The following HECW2 variants were observed in gnomAD, a reference collection of about 807,000 sequenced individuals.
HECW2 encodes HECT, C2 and WW domain containing E3 ubiquitin protein ligase 2.
In HECW2, 61 loss-of-function variants were observed where a neutral mutation model predicts 175.2. The observed-to-expected ratio is 0.35, with a 90% confidence interval of 0.28 to 0.43. The LOEUF (loss-of-function observed/expected upper bound fraction) is 0.43, where lower values mean the gene tolerates loss of function less well. Among genes scored for constraint, HECW2 ranks in the 20% least tolerant of loss-of-function variants. HECW2 has a pLI of 1.00. For synonymous variants in HECW2, 671 were observed against 731.0 expected (o/e 0.92, Z 1.32); for missense variants, 1,524 against 2,000.5 (o/e 0.76, Z 4.54).
chr2:196,428,449 A>C (rs1177771002), intron 2 of HECW2, among the ~76,000 whole-genome samples: 1 of 152,188 alleles, frequency 6.6e-6, no homozygotes, highest in Non-Finnish European at 1.5e-5. Flanking sequence ...CTGAACCTCA[A>C]AAATCTTTTC....
chr2:196,244,694 C>A (rs1688584798), intron 19 of HECW2, among the ~76,000 whole-genome samples: 1 of 152,188 alleles, frequency 6.6e-6, no homozygotes, highest in Non-Finnish European at 1.5e-5. Flanking sequence ...CCACACCTTG[C>A]AAAAGAAGGA....
At chr2:196,541,927 T>C (rs1689229340) in intron 1 of HECW2, among the ~76,000 whole-genome samples, 2 of 152,044 alleles carry the variant, frequency 1.3e-5, no homozygotes, top group African/African-American at 2.4e-5. Flanking sequence ...TTGGTAAATA[T>C]ATAAATAGCA....
chr2:196,554,849 T>C (rs1032488729), intron 1 of HECW2, among the ~76,000 whole-genome samples: 1 of 152,162 alleles, frequency 6.6e-6, no homozygotes, highest in Non-Finnish European at 1.5e-5. Context: ...AAAATACTTA[T>C]GTTTTCACAT....
intron 1 of HECW2, among the ~76,000 whole-genome samples, chr2:196,475,707 A>T (rs1170318948): frequency 1.3e-5 from 2 of 152,214 alleles, no homozygotes; most frequent in Non-Finnish European, 2.9e-5. Context: ...AATTTCCAGA[A>T]TGAAAACTCA....
At chr2:196,387,412 C>T (rs903857985) in intron 2 of HECW2, among the ~76,000 whole-genome samples, 2 of 152,164 alleles carry the variant, frequency 1.3e-5, no homozygotes, top group Non-Finnish European at 2.9e-5. Flanking sequence ...TTTTGCCTTT[C>T]TGCTCTTCCA....
chr2:196,375,222 T>C (rs1330419759), intron 2 of HECW2, among the ~76,000 whole-genome samples: 1 of 151,830 alleles, frequency 6.6e-6, no homozygotes, highest in Non-Finnish European at 1.5e-5. Context: ...AGCTGTTGTA[T>C]TCAAAACTTC....
intron 1 of HECW2, among the ~76,000 whole-genome samples, chr2:196,540,051 T>A (rs556507621): frequency 2.2e-4 from 33 of 152,188 alleles, no homozygotes; most frequent in Non-Finnish European, 4.4e-4. Context: ...GTATGTACTG[T>A]CTGAACTACT....
intron 23 of HECW2, among the ~76,000 whole-genome samples, chr2:196,225,167 A>G (rs1303177758): frequency 6.6e-6 from 1 of 152,260 alleles, no homozygotes; most frequent in Non-Finnish European, 1.5e-5. Context: ...ACATTTTACA[A>G]TAACTGCAAT....
In HECW2 at chr2:196,440,910, T is replaced by TG. The variant is rs199873023; in HGVS notation, c.-35-7453_-35-7452insC. On this transcript the variant is annotated intron_variant, in intron 1 of 28. Coordinates refer to ENST00000644978, the MANE Select transcript of HECW2 (RefSeq NM_001348768.2). ...ACATGATGTAGCACTCCTTAAAAAA[T>TG]TAAAAAAAACCCTCCTTCTAAATAT... Among the ~76,000 whole-genome samples, 25 of 123,336 alleles carry TG rather than the reference T, an allele frequency of 2.0e-4. No individual in the cohort carries two copies. The South Asian group carries it at 4.0e-3, about 20-fold the overall frequency. 80.9% of individuals were successfully genotyped at this position (123,336 alleles called of 152,430 possible).
At chr2:196,291,424 A>G (rs1007803110) in intron 14 of HECW2, 4 of 152,208 alleles carry the variant, frequency 2.6e-5, no homozygotes, top group African/African-American at 9.7e-5. Context: ...TGTCTCTGAG[A>G]CATGAATGCT....
intron 2 of HECW2, among the ~76,000 whole-genome samples, chr2:196,401,758 T>C (rs1172306640): frequency 6.6e-6 from 1 of 152,242 alleles, no homozygotes; most frequent in Non-Finnish European, 1.5e-5. Flanking sequence ...TTTATAATCT[T>C]AGAGAAAAAA....
intron 2 of HECW2, among the ~76,000 whole-genome samples, chr2:196,428,411 C>T (rs1695611013): frequency 6.6e-6 from 1 of 152,150 alleles, no homozygotes; most frequent in Admixed American, 6.5e-5. Flanking sequence ...TCCTGTTTAG[C>T]CACACAGTAT....
At chr2:196,347,007 CAAAAA>C (rs200981726) in intron 2 of HECW2, among the ~76,000 whole-genome samples, 1 of 130,018 alleles carries the variant, frequency 7.7e-6, no homozygotes, top group Non-Finnish European at 1.6e-5. Context: ...GACTCCGTCT[CAAAAA>C]AAAAAAAAAA....
intron 2 of HECW2, among the ~76,000 whole-genome samples, chr2:196,428,539 C>A (rs897307144): frequency 6.6e-6 from 1 of 152,096 alleles, no homozygotes; most frequent in African/African-American, 2.4e-5. Flanking sequence ...TTAATAGTAT[C>A]CAAAAAATTG....
chr2:196,205,102 C>G (rs188227217), intron 28 of HECW2, among the ~76,000 whole-genome samples: 1 of 152,324 alleles, frequency 6.6e-6, no homozygotes, highest in Non-Finnish European at 1.5e-5. Context: ...TAAATTACAT[C>G]TGGTTGCATA....
chr2:196,385,847 C>T (rs964986101), intron 2 of HECW2, among the ~76,000 whole-genome samples: 2 of 152,084 alleles, frequency 1.3e-5, no homozygotes, highest in African/African-American at 4.8e-5. Flanking sequence ...CCAAATGAAA[C>T]TAACTTGGTT....
chr2:196,267,592 T>C (rs1464835472), intron 17 of HECW2, among the ~76,000 whole-genome samples: 1 of 151,934 alleles, frequency 6.6e-6, no homozygotes, highest in East Asian at 1.9e-4. Flanking sequence ...TAAATGAATT[T>C]ATAGGGAGCA....
chr2:196,484,496 T>G (rs138357643), intron 1 of HECW2, among the ~76,000 whole-genome samples: 2 of 151,886 alleles, frequency 1.3e-5, no homozygotes, highest in African/African-American at 4.8e-5. Context: ...TTAATGGGAG[T>G]TCACTATTCA....
chr2:196,568,699 C>T (rs987158265), intron 1 of HECW2, among the ~76,000 whole-genome samples: 2 of 152,134 alleles, frequency 1.3e-5, no homozygotes, highest in Non-Finnish European at 2.9e-5. Flanking sequence ...CTGGGTAGTG[C>T]GGTAAGCCAC....
Sources: allele counts gnomAD v4.1 joint callset (sites outside exome capture counted in the v4.1 genomes callset), GRCh38; gene constraint gnomAD v4.1.1; transcripts MANE v1.5; gene names NCBI Gene and HGNC (gene_info 2026-07-23, HGNC 2026-07-21).